Variants in GALNTL6 observed in about 807,000 individuals in gnomAD.
The protein encoded by GALNTL6 is polypeptide N-acetylgalactosaminyltransferase like 6, also known as polypeptide N-acetylgalactosaminyltransferase-like 6.
GALNTL6 carries 46 observed loss-of-function variants against 73.7 expected under a neutral mutation model. The ratio of observed to expected loss-of-function variants is 0.62; its 90% CI spans 0.49 to 0.80. The LOEUF (loss-of-function observed/expected upper bound fraction) is 0.80, where lower values mean the gene tolerates loss of function less well. GALNTL6 is among the 30% of genes least tolerant of loss of function. The probability of loss-of-function intolerance (pLI) is 0.00; values close to 1 mark genes in which losing one functional copy is unlikely to be tolerated. For synonymous variants in GALNTL6, 259 were observed against 263.7 expected (o/e 0.98, Z 0.17); for missense variants, 604 against 755.0 (o/e 0.80, Z 2.34).
chr4:173,024,403 C>A (rs989781007), intron 12 of GALNTL6, among the ~76,000 whole-genome samples: 2 of 152,228 alleles, frequency 1.3e-5, no homozygotes, highest in Non-Finnish European at 2.9e-5. Flanking sequence ...TGAAATATCA[C>A]ATCTTGGTGG....
At chr4:171,969,247 ACT>A (rs1685922958) in intron 2 of GALNTL6, among the ~76,000 whole-genome samples, 1 of 151,868 alleles carries the variant, frequency 6.6e-6, no homozygotes, top group Admixed American at 6.6e-5. Flanking sequence ...CTGCTATAAG[ACT>A]CTGTTTAGAG....
chr4:172,866,880 A>G (rs918198216), intron 7 of GALNTL6, among the ~76,000 whole-genome samples: 4 of 152,200 alleles, frequency 2.6e-5, no homozygotes, highest in African/African-American at 7.2e-5. Context: ...AATTACTTCA[A>G]TCAAAAACTT....
chr4:172,871,611 A>AGTGTGTGTGTGTGT (rs5864173), intron 7 of GALNTL6, among the ~76,000 whole-genome samples: 1 of 137,512 alleles, frequency 7.3e-6, no homozygotes, highest in African/African-American at 2.7e-5. Flanking sequence ...TGTGTGTGAG[A>AGTGTGTGTGTGTGT]GTGTGTGTGT....
chr4:172,467,623 T>C (rs1365992332), intron 5 of GALNTL6, among the ~76,000 whole-genome samples: 1 of 152,110 alleles, frequency 6.6e-6, no homozygotes, highest in Non-Finnish European at 1.5e-5. Context: ...CCACTTCCTA[T>C]TGGCCAAAGC....
Position 171,985,255 on chromosome 4 carries a change from T to C in GALNTL6, c.138+170537T>C, listed in dbSNP as rs1472429506. ...AGTTCCACATTTTTCCTCACAATAA[T>C]GGCAGAAGGTAAAAGACACGTCTCA... On this transcript the variant is annotated intron_variant, in intron 2 of 12. Coordinates refer to ENST00000506823, the MANE Select transcript of GALNTL6 (RefSeq NM_001034845.3). Among the ~76,000 whole-genome samples the C allele has an allele frequency of 2.6e-5, 4 of 152,104 alleles. No individual in the cohort carries two copies. In the East Asian group the frequency reaches 7.7e-4, roughly 29 times the overall value.
chr4:171,917,402 C>G (rs550930825), intron 2 of GALNTL6, among the ~76,000 whole-genome samples: 28 of 152,114 alleles, frequency 1.8e-4, no homozygotes, highest in African/African-American at 6.5e-4. Flanking sequence ...CCATAAGAAG[C>G]CTTTGAATAG....
At chr4:172,528,738 C>G (rs1329569177) in intron 5 of GALNTL6, among the ~76,000 whole-genome samples, 5 of 150,552 alleles carry the variant, frequency 3.3e-5, no homozygotes, top group Admixed American at 3.3e-4. Flanking sequence ...ACTTTTAAGA[C>G]ATTTTTTACC....
chr4:172,197,925 C>T (rs1179093029), intron 2 of GALNTL6, among the ~76,000 whole-genome samples: 4 of 151,920 alleles, frequency 2.6e-5, no homozygotes, highest in African/African-American at 4.8e-5. Context: ...CTGGCTAACA[C>T]GGTGAAACCC....
At chr4:172,055,509 G>A (rs1040467030) in intron 2 of GALNTL6, among the ~76,000 whole-genome samples, 1 of 152,106 alleles carries the variant, frequency 6.6e-6, no homozygotes, top group Non-Finnish European at 1.5e-5. Flanking sequence ...AAATTAGATT[G>A]GAGAGTGTGG....
At chr4:172,717,717 G>C (rs373521655) in intron 5 of GALNTL6, among the ~76,000 whole-genome samples, 1 of 152,130 alleles carries the variant, frequency 6.6e-6, no homozygotes, top group Non-Finnish European at 1.5e-5. Context: ...GCCATGAATA[G>C]AACTAATGCC....
chr4:173,018,260 A>C (rs577950374), intron 11 of GALNTL6, among the ~76,000 whole-genome samples: 1 of 152,364 alleles, frequency 6.6e-6, no homozygotes, highest in South Asian at 2.1e-4. Flanking sequence ...TAGGTAACTG[A>C]ATCCAGAGTC....
At chr4:171,879,983 A>G (rs1313471252) in intron 2 of GALNTL6, among the ~76,000 whole-genome samples, 1 of 152,316 alleles carries the variant, frequency 6.6e-6, no homozygotes, top group South Asian at 2.1e-4. Context: ...ATAAACAACC[A>G]TTATTGAGGC....
chr4:171,821,034 A>G (rs773710495), intron 2 of GALNTL6, among the ~76,000 whole-genome samples: 1 of 151,526 alleles, frequency 6.6e-6, no homozygotes, highest in Non-Finnish European at 1.5e-5. Context: ...TTTCCCTCAT[A>G]TATTTATTTA....
chr4:172,156,541 A>T (rs7677535), intron 2 of GALNTL6, among the ~76,000 whole-genome samples: 2 of 7,418 alleles, frequency 2.7e-4, no homozygotes, highest in Middle Eastern at 0.056. Flanking sequence ...TATATATATA[A>T]TATATATATA....
At chr4:173,006,399 G>C (rs187761881) in intron 10 of GALNTL6, among the ~76,000 whole-genome samples, 3 of 152,118 alleles carry the variant, frequency 2.0e-5, no homozygotes, top group Non-Finnish European at 4.4e-5. Flanking sequence ...AAACCAACAC[G>C]CTGCACTCAG....
intron 5 of GALNTL6, among the ~76,000 whole-genome samples, chr4:172,522,680 A>ACCC (rs1734823739): frequency 1.1e-4 from 1 of 8,930 alleles, no homozygotes; most frequent in African/African-American, 5.0e-4. Context: ...CCCCCCCCCA[A>ACCC]AAAAAAAGTG....
chr4:172,331,650 G>T (rs993733287), intron 4 of GALNTL6, among the ~76,000 whole-genome samples: 1 of 152,084 alleles, frequency 6.6e-6, no homozygotes, highest in African/African-American at 2.4e-5. Context: ...TCTGAGACTG[G>T]CTTATTTAAC....
intron 3 of GALNTL6, among the ~76,000 whole-genome samples, chr4:172,297,856 A>G (rs1297250824): frequency 6.6e-6 from 1 of 151,952 alleles, no homozygotes; most frequent in Admixed American, 6.6e-5. Context: ...GTTCCATATG[A>G]ATTTTAAAGT....
chr4:171,865,078 G>A (rs762292247), intron 2 of GALNTL6, among the ~76,000 whole-genome samples: 13 of 151,890 alleles, frequency 8.6e-5, no homozygotes, highest in African/African-American at 1.9e-4. Flanking sequence ...CCCGGGAGGC[G>A]GAGATTGCCG....
Sources: allele counts gnomAD v4.1 joint callset (sites outside exome capture counted in the v4.1 genomes callset), GRCh38; gene constraint gnomAD v4.1.1; transcripts MANE v1.5; gene names NCBI Gene and HGNC (gene_info 2026-07-23, HGNC 2026-07-21).